SBNO2: variants seen among roughly 807,000 people sequenced by gnomAD.
SBNO2 encodes protein strawberry notch homolog 2.
Under a neutral mutation model 146.3 loss-of-function variants are expected in SBNO2, and 89 were observed. The ratio of observed to expected loss-of-function variants is 0.61; its 90% CI spans 0.51 to 0.73. SBNO2 has a LOEUF of 0.73. Among genes scored for constraint, SBNO2 ranks in the 30% least tolerant of loss-of-function variants. The pLI is 0.00. For missense variants in SBNO2, 2,092 were observed against 2,003.7 expected (o/e 1.04, Z -0.84); for synonymous variants, 1,147 against 892.6 (o/e 1.29, Z -5.08).
Position 1,114,373 on chromosome 19 carries a change from T to A in SBNO2, c.1935A>T (p.Thr645=), listed in dbSNP as rs1193620958. 3 of 1,554,850 alleles carry A rather than the reference T, an allele frequency of 1.9e-6. No homozygotes were observed. Among genetic ancestry groups the A allele is most frequent in the Non-Finnish European group, 2.6e-6 (3 of 1,149,368 alleles). Residue 645 remains threonine (T), a synonymous_variant, in exon 18 of 32, where the codon ACA becomes ACT. Transcript: ENST00000361757. ...CGTCACTGATGCGGATGACGCCCGC[T>A]GTCTCGCACGCCAGCCGGGGGGCTT... The part of the protein sequence containing the change: ...GAKAPRLACE[T]AGVIRISDDS...
At chr19:1,115,288 T>TG (rs1392459523) in intron 17 of SBNO2, 4 of 151,700 alleles carry the variant, frequency 2.6e-5, no homozygotes, top group African/African-American at 9.7e-5. Flanking sequence ...TCACCCAAGT[T>TG]GGAGTGCAGT....
intron 4 of SBNO2, among the ~76,000 whole-genome samples, chr19:1,141,026 A>G (rs2080130976): frequency 1.3e-5 from 2 of 151,770 alleles, no homozygotes. Context: ...CACACCCTGG[A>G]GAAGACGCAC....
At chr19:1,143,448 A>T (rs1448723913) in intron 4 of SBNO2, among the ~76,000 whole-genome samples, 1 of 152,196 alleles carries the variant, frequency 6.6e-6, no homozygotes, top group Non-Finnish European at 1.5e-5. Context: ...CTCCAGGCTG[A>T]ACAACAGAGC....
intron 1 of SBNO2, among the ~76,000 whole-genome samples, chr19:1,165,820 TCAGACCCC>T (rs1413192071): frequency 1.5e-3 from 3 of 1,950 alleles, no homozygotes; most frequent in Non-Finnish European, 1.9e-3. Flanking sequence ...ACCCCAGATC[TCAGACCCC>T]CAGACCCCAG....
chr19:1,114,428 G>GGGAAGGACAGGGTCAC lies in SBNO2; in HGVS notation c.1886-22_1886-7dup. On this transcript the variant is annotated splice_region_variant and splice_polypyrimidine_tract_variant and intron_variant, in intron 17 of 31. Transcript: ENST00000361757. ...CCCGCGTCCCCGAGGTCGCCCTGCA[G>GGGAAGGACAGGGTCAC]GGAAGGACAGGGTCACCGAGGGCCA... 1 of 1,517,230 alleles carries GGGAAGGACAGGGTCAC rather than the reference G, an allele frequency of 6.6e-7. No homozygotes were observed. The highest frequency in any genetic ancestry group is 8.9e-7 in the Non-Finnish European group (1 of 1,128,950). The allele number at this position is 1,517,230 out of a possible 1,614,324, so 94.0% of individuals were successfully genotyped here.
chr19:1,108,763 C>T lies in SBNO2; in HGVS notation c.3616+16G>A, dbSNP rs1334210706. The T allele has an allele frequency of 3.1e-6, 5 of 1,597,758 alleles. No homozygotes were observed. Among genetic ancestry groups the T allele is most frequent in the Middle Eastern group, 3.4e-4 (2 of 5,924 alleles). ...TGGGGGCTCGGGCCTTCCCGGGGCG[C>T]CCGCCGCCCACTCACCCACTTGCTT... is the stretch of plus-strand genomic sequence containing the variant. On this transcript the variant is annotated intron_variant, in intron 31 of 31. Transcript: ENST00000361757.
rs188712080 is a variant in SBNO2, at chr19:1,165,425, G to A, written c.-127+8747C>T. Among the ~76,000 whole-genome samples the A allele has an allele frequency of 8.5e-5, 13 of 152,304 alleles. No individual in the cohort carries two copies. The East Asian group carries it at 2.3e-3, about 27-fold the overall frequency. ...CCCCCAAGGCAGCACTGCTGTCCCT[G>A]AGAACAGAAGGAAGTCCAGGCCCAG... On this transcript the variant is annotated intron_variant, in intron 1 of 31. Coordinates refer to ENST00000361757, the MANE Select transcript of SBNO2 (RefSeq NM_014963.3).
intron 4 of SBNO2, among the ~76,000 whole-genome samples, chr19:1,128,773 G>C (rs977730099): frequency 5.3e-5 from 8 of 151,404 alleles, no homozygotes. Context: ...TTCAAGATTC[G>C]CCTGGACAAT....
At chr19:1,121,502 T>C (rs920150954) in intron 11 of SBNO2, among the ~76,000 whole-genome samples, 1 of 152,174 alleles carries the variant, frequency 6.6e-6, no homozygotes, top group South Asian at 2.1e-4. Flanking sequence ...CCCTCCCTTA[T>C]CTGAGCCTGT....
Position 1,144,628 on chromosome 19 carries a change from G to A in SBNO2, c.279+2681C>T, listed in dbSNP as rs562438362. Among the ~76,000 whole-genome samples the A allele has an allele frequency of 2.0e-5, 3 of 150,396 alleles. No individual in the cohort carries two copies. Among genetic ancestry groups the A allele is most frequent in the East Asian group, 2.0e-4 (1 of 5,058 alleles). On this transcript the variant is annotated intron_variant, in intron 4 of 31. Coordinates refer to ENST00000361757, the MANE Select transcript of SBNO2 (RefSeq NM_014963.3). The surrounding 1 kb of genome is among the most constrained non-coding windows in gnomAD (Gnocchi z 4.1). ...GACAGAGGCAGAGAGGGAAACAGAC[G>A]AAGACAGAGAGGGCGACAGAGACAG...
chr19:1,129,310 G>A (rs188563102), intron 4 of SBNO2, among the ~76,000 whole-genome samples: 41 of 152,194 alleles, frequency 2.7e-4, no homozygotes, highest in African/African-American at 7.9e-4. Flanking sequence ...TCAAGGGGGC[G>A]CTGTCTCTCC....
Position 1,122,731 on chromosome 19 carries a change from C to T in SBNO2, c.841G>A (p.Gly281Ser), listed in dbSNP as rs2145225666. The T allele has an allele frequency of 6.5e-7, 1 of 1,537,142 alleles. No individual in the cohort carries two copies. The highest frequency in any genetic ancestry group is 8.7e-7 in the Non-Finnish European group (1 of 1,146,508). ...RAGFLIGDGA[G>S]VGKGRTVAGV... The stretch of plus-strand genomic sequence containing the variant: ...GCCACCGTCCGGCCTTTGCCCACGC[C>T]GGCCCCATCGCCGATGAGAAAGCCC... Residue 281 changes from glycine to serine, a missense_variant, in exon 9 of 32, where the codon GGC (glycine) becomes AGC (serine). Physicochemically the swap from Gly to Ser is moderately conservative, Grantham distance 56. Coordinates refer to ENST00000361757, the MANE Select transcript of SBNO2 (RefSeq NM_014963.3).
At chr19:1,120,065 G>A (rs771635801) in intron 11 of SBNO2, 42 bp from the exon 12 acceptor site, 4 of 1,502,900 alleles carry the variant, frequency 2.7e-6, no homozygotes, top group South Asian at 2.4e-5. Flanking sequence ...AAGGACGGGG[G>A]CGACCCCAGG....
At chr19:1,145,694 T>C (rs1421856448) in intron 4 of SBNO2, among the ~76,000 whole-genome samples, 9 of 151,992 alleles carry the variant, frequency 5.9e-5, no homozygotes, top group Admixed American at 5.9e-4. Context: ...AGATGCCAGC[T>C]CTGGACAGGC....
intron 14 of SBNO2, among the ~76,000 whole-genome samples, chr19:1,117,990 G>A (rs1420040242): frequency 6.6e-6 from 1 of 152,224 alleles, no homozygotes; most frequent in East Asian, 1.9e-4. Context: ...CCACCCCGGA[G>A]AGCAACCCGG....
chr19:1,117,545 T>A, intron 14 of SBNO2, 46 bp from the exon 15 acceptor site: 1 of 1,511,464 alleles, frequency 6.6e-7, no homozygotes, highest in Non-Finnish European at 8.9e-7. Context: ...GGCTCCTGGC[T>A]CCCGACCCGG....
chr19:1,140,186 G>A lies in SBNO2; in HGVS notation c.279+7123C>T, dbSNP rs1056344630. ...GTGGTGGTGGGCACCTGTAGTCCCAGCTACTCGGGAGGCTGAGGCGGGAGA... is the reference window on the plus strand; with the variant it reads ...GTGGTGGTGGGCACCTGTAGTCCCAACTACTCGGGAGGCTGAGGCGGGAGA... On this transcript the variant is annotated intron_variant, in intron 4 of 31. Transcript: ENST00000361757. This position sits in a 1 kb window ranked among gnomAD's most constrained non-coding sequence, Gnocchi z 4.4. Among the ~76,000 whole-genome samples the A allele has an allele frequency of 4.6e-5, 7 of 151,980 alleles. No individual in the cohort carries two copies. Among genetic ancestry groups the A allele is most frequent in the Middle Eastern group, 3.4e-3 (1 of 294 alleles).
At position 1,119,617 on chromosome 19, in the gene SBNO2, G is replaced by C. The variant is rs1038666571; in HGVS notation, c.1272C>G (p.Ala424=). Reference sequence around the variant, plus strand: ...TGTAGATCATGTTCCGAGGCTCAGAGGCACCTGTGGGGGGAAGCTGCCGTC... The same window carrying C: ...TGTAGATCATGTTCCGAGGCTCAGACGCACCTGTGGGGGGAAGCTGCCGTC... ...ARVVYASATG[A]SEPRNMIYMS... The change falls in exon 13 of 32, where the codon GCC becomes GCG. Residue 424 remains alanine, a synonymous_variant. Coordinates refer to ENST00000361757, the MANE Select transcript of SBNO2 (RefSeq NM_014963.3). 1 of 1,605,758 alleles carries C rather than the reference G, an allele frequency of 6.2e-7. No individual in the cohort carries two copies. Among genetic ancestry groups the C allele is most frequent in the African/African-American group, 1.3e-5 (1 of 74,910 alleles).
intron 1 of SBNO2, among the ~76,000 whole-genome samples, chr19:1,170,399 C>T (rs1184576776): frequency 6.6e-6 from 1 of 152,012 alleles, no homozygotes; most frequent in Non-Finnish European, 1.5e-5. Context: ...GGGTTGGGGG[C>T]GAGAGTGCAG....
Sources: gnomAD v4.1 joint callset for allele counts (sites outside exome capture counted in the v4.1 genomes callset) on GRCh38, gnomAD v4.1.1 for gene constraint, Gnocchi (gnomAD v3.1) non-coding constraint, MANE v1.5 for transcripts, NCBI Gene and HGNC (gene_info 2026-07-23, HGNC 2026-07-21) for gene names.